CTTNBP2: variants seen among roughly 807,000 people sequenced by gnomAD.
The protein encoded by CTTNBP2 is cortactin binding protein 2.
Under a neutral mutation model 156.9 loss-of-function variants are expected in CTTNBP2, and 108 were observed. That is an observed-to-expected ratio of 0.69 (90% confidence interval 0.59 to 0.81). The LOEUF is 0.81. Among genes scored for constraint, CTTNBP2 ranks in the 30% least tolerant of loss-of-function variants. CTTNBP2 has a pLI of 0.00. For missense variants in CTTNBP2, 1,924 were observed against 2,035.4 expected (o/e 0.95, Z 1.05); for synonymous variants, 767 against 751.8 (o/e 1.02, Z -0.33).
intron 2 of CTTNBP2, among the ~76,000 whole-genome samples, chr7:117,819,979 T>C (rs960441676): frequency 6.6e-6 from 1 of 152,220 alleles, no homozygotes; most frequent in Admixed American, 6.5e-5. Flanking sequence ...AAAGGCTTGG[T>C]TGCACAGAAG....
chr7:117,808,857 G>T (rs1800098049), intron 3 of CTTNBP2, among the ~76,000 whole-genome samples: 1 of 152,210 alleles, frequency 6.6e-6, no homozygotes, highest in African/African-American at 2.4e-5. Flanking sequence ...TGGTGTTTCT[G>T]CTTTCATCAG....
At chr7:117,768,117 C>CA (rs762276689) in intron 8 of CTTNBP2, among the ~76,000 whole-genome samples, 1,713 of 144,742 alleles carry the variant, frequency 0.012, 18 homozygotes, top group Non-Finnish European at 0.019. Context: ...ACACACACAC[C>CA]CACTTGGAGG....
At chr7:117,789,671 G>T (rs1798885586) in intron 4 of CTTNBP2, among the ~76,000 whole-genome samples, 2 of 152,066 alleles carry the variant, frequency 1.3e-5, no homozygotes, top group African/African-American at 4.8e-5. Flanking sequence ...CAAAAATACT[G>T]TAAGCAACAA....
chr7:117,767,877 A>G lies in CTTNBP2; in HGVS notation c.2779-701T>C, dbSNP rs193051355. Among the ~76,000 whole-genome samples, 30 of 152,248 alleles carry G rather than the reference A, an allele frequency of 2.0e-4. 1 individual carries two copies. Among genetic ancestry groups the G allele is most frequent in the African/African-American group, 7.2e-4 (30 of 41,556 alleles). ...TATTTTTTCAAATGCAAAGTAAGAG[A>G]CAATATATATACATAAATTTTCTAA... is the stretch of plus-strand genomic sequence containing the variant. On this transcript the variant is annotated intron_variant, in intron 8 of 22. Transcript: ENST00000160373.
intron 5 of CTTNBP2, 39 bp downstream of exon 5, chr7:117,784,212 C>G: frequency 6.9e-7 from 1 of 1,459,076 alleles, no homozygotes; most frequent in Non-Finnish European, 9.2e-7. Context: ...ACTTTCCATC[C>G]TTTTGCAAGT....
chr7:117,802,057 C>A (rs1354535530), intron 3 of CTTNBP2, among the ~76,000 whole-genome samples: 1 of 111,892 alleles, frequency 8.9e-6, no homozygotes, highest in Non-Finnish European at 1.8e-5. Flanking sequence ...TCCCTCCCCC[C>A]TCCCCCCACC....
chr7:117,785,751 A>C (rs1798673395), intron 4 of CTTNBP2, among the ~76,000 whole-genome samples: 1 of 152,240 alleles, frequency 6.6e-6, no homozygotes, highest in African/African-American at 2.4e-5. Context: ...CACCTGTAAA[A>C]GAAAATTAAA....
chr7:117,746,251 C>G (rs1796325149), intron 12 of CTTNBP2, 152 bp from the exon 13 acceptor site: 1 of 615,796 alleles, frequency 1.6e-6, no homozygotes, highest in Non-Finnish European at 2.9e-6. Context: ...CATTGGACAC[C>G]TGTACTCTCA....
chr7:117,845,602 G>C (rs1267414423), intron 2 of CTTNBP2, among the ~76,000 whole-genome samples: 5 of 152,278 alleles, frequency 3.3e-5, no homozygotes, highest in South Asian at 2.1e-4. Flanking sequence ...ACACACTTCT[G>C]GCTACGCTAA....
chr7:117,799,009 T>C (rs908544248), intron 3 of CTTNBP2, among the ~76,000 whole-genome samples: 39 of 151,938 alleles, frequency 2.6e-4, no homozygotes, highest in African/African-American at 9.2e-4. Context: ...AATGGCTTTA[T>C]ATTTTTTTAA....
At chr7:117,864,701 T>C (rs1052855364) in intron 1 of CTTNBP2, among the ~76,000 whole-genome samples, 2 of 144,462 alleles carry the variant, frequency 1.4e-5, no homozygotes, top group African/African-American at 5.0e-5. Context: ...TATATATTCA[T>C]ATATTCATAT....
rs1554421429 is a variant in CTTNBP2, at chr7:117,773,707, A to ACC, written c.2778+3802_2778+3803dup. Among the ~76,000 whole-genome samples, 238 of 129,058 alleles carry ACC rather than the reference A, an allele frequency of 1.8e-3. 3 individuals carry two copies. The highest frequency in any genetic ancestry group is 2.6e-3 in the South Asian group (11 of 4,276). 84.7% of individuals were successfully genotyped at this position (129,058 alleles called of 152,430 possible). A position where few individuals can be genotyped will look rare whatever the true frequency, so the allele number is the denominator to read the frequency against. ...CACACACACACACACACACACACAC[A>ACC]CCCCAAAAAACAAAAAGCAGAAAAA... On this transcript the variant is annotated intron_variant, in intron 8 of 22. Transcript: ENST00000160373.
chr7:117,759,735 T>G (rs755287541), intron 10 of CTTNBP2, among the ~76,000 whole-genome samples: 12 of 152,196 alleles, frequency 7.9e-5, no homozygotes, highest in Non-Finnish European at 1.8e-4. Flanking sequence ...CGGAGTTATC[T>G]GTAAAATGAC....
At position 117,791,263 on chromosome 7, in the gene CTTNBP2, C is replaced by CA; in HGVS notation, c.1932_1933insT (p.Gly645TrpfsTer28). On this transcript the variant is annotated frameshift_variant, in exon 4 of 23. Transcript: ENST00000160373. LOFTEE classifies it high-confidence loss of function. Reference sequence around the variant, plus strand: ...TCTGAACATGCAGGTTGGTTCAGTCCGGGGGTTGCAGCAGGCCAGGCACCC... The same window carrying CA: ...TCTGAACATGCAGGTTGGTTCAGTCCAGGGGGTTGCAGCAGGCCAGGCACCC... 1 of 1,614,040 alleles carries CA rather than the reference C, an allele frequency of 6.2e-7. No homozygotes were observed. The highest frequency in any genetic ancestry group is 8.5e-7 in the Non-Finnish European group (1 of 1,180,008).
chr7:117,826,863 ATTATTATT>A (rs1479385779), intron 2 of CTTNBP2, among the ~76,000 whole-genome samples: 4 of 144,276 alleles, frequency 2.8e-5, no homozygotes, highest in Admixed American at 6.9e-5. Flanking sequence ...TATTATTATT[ATTATTATT>A]ATTATTTTGA....
chr7:117,825,424 C>A (rs1227902503), intron 2 of CTTNBP2, among the ~76,000 whole-genome samples: 1 of 152,224 alleles, frequency 6.6e-6, no homozygotes, highest in Non-Finnish European at 1.5e-5. Context: ...CTACCTATCC[C>A]ACTTTCTGCC....
chr7:117,751,567 C>T (rs747897221), intron 12 of CTTNBP2, among the ~76,000 whole-genome samples: 3 of 152,160 alleles, frequency 2.0e-5, no homozygotes, highest in Non-Finnish European at 2.9e-5. Flanking sequence ...AATATTGGTA[C>T]ATCCAGCATT....
intron 4 of CTTNBP2, among the ~76,000 whole-genome samples, chr7:117,788,334 T>C (rs906619957): frequency 1.3e-5 from 2 of 152,196 alleles, no homozygotes; most frequent in Non-Finnish European, 2.9e-5. Flanking sequence ...TCTAGGGTGA[T>C]ACTTAGAAAG....
chr7:117,746,126 G>A, intron 12 of CTTNBP2, 27 bp from the exon 13 acceptor site: 3 of 1,515,918 alleles, frequency 2.0e-6, no homozygotes, highest in Non-Finnish European at 2.7e-6. Flanking sequence ...TAGAGAGCTA[G>A]GGTGAAGATG....
Sources: allele counts gnomAD v4.1 joint callset (sites outside exome capture counted in the v4.1 genomes callset), GRCh38; gene constraint gnomAD v4.1.1; transcripts MANE v1.5; gene names NCBI Gene and HGNC (gene_info 2026-07-23, HGNC 2026-07-21).